DSCAML1: variants seen among roughly 807,000 people sequenced by gnomAD.
The protein encoded by DSCAML1 is cell adhesion molecule DSCAML1.
A neutral mutation model predicts 200.5 loss-of-function variants in DSCAML1; 38 were observed. That is an observed-to-expected ratio of 0.19 (90% CI 0.15 to 0.25). DSCAML1 has a LOEUF of 0.25. Among genes scored for constraint, DSCAML1 ranks in the 10% least tolerant of loss-of-function variants. The pLI, the probability that DSCAML1 is intolerant of heterozygous loss-of-function variation, is 1.00. For synonymous variants in DSCAML1, 1,215 were observed against 1,165.0 expected, an observed-to-expected ratio of 1.04 and a Z score of -0.87; for missense variants, 2,223 against 2,858.8, an observed-to-expected ratio of 0.78 and a Z score of 5.07.
At chr11:117,514,771 A>G (rs932899049) in intron 8 of DSCAML1, among the ~76,000 whole-genome samples, 13 of 152,004 alleles carry the variant, frequency 8.6e-5, no homozygotes, top group Non-Finnish European at 1.9e-4. Context: ...TACTAGAGAC[A>G]GGGTTTCTCC....
intron 3 of DSCAML1, among the ~76,000 whole-genome samples, chr11:117,665,739 T>C (rs911852766): frequency 6.6e-6 from 1 of 152,126 alleles, no homozygotes; most frequent in African/African-American, 2.4e-5. Flanking sequence ...CCTGAGCCCA[T>C]AATCCCAACG....
chr11:117,458,244 C>T lies in DSCAML1; in HGVS notation c.3568+510G>A, dbSNP rs528846643. Reference sequence around the variant, plus strand: ...TCTCTGGCTTTCCTCCAGTTCTGCCCCATGAGGAAGGGCTTTGAGATCACC... The same window carrying T: ...TCTCTGGCTTTCCTCCAGTTCTGCCTCATGAGGAAGGGCTTTGAGATCACC... On this transcript the variant is annotated intron_variant, in intron 19 of 32. Coordinates refer to ENST00000651296, the MANE Select transcript of DSCAML1 (RefSeq NM_020693.4). Among the ~76,000 whole-genome samples, 3 of 152,278 alleles carry T rather than the reference C, an allele frequency of 2.0e-5. No homozygotes were observed. In the South Asian group the frequency reaches 6.2e-4, roughly 32 times the overall value.
chr11:117,701,357 T>C (rs1250088753), intron 3 of DSCAML1, among the ~76,000 whole-genome samples: 1 of 152,144 alleles, frequency 6.6e-6, no homozygotes, highest in African/African-American at 2.4e-5. Context: ...TGAACGATGA[T>C]ACCACCCTGG....
chr11:117,770,080 A>G (rs1167019890), intron 3 of DSCAML1, among the ~76,000 whole-genome samples: 1 of 152,140 alleles, frequency 6.6e-6, no homozygotes, highest in Non-Finnish European at 1.5e-5. Flanking sequence ...CACAGACTCC[A>G]GGGCCTGACT....
intron 1 of DSCAML1, among the ~76,000 whole-genome samples, chr11:117,790,261 T>C (rs905744405): frequency 1.2e-4 from 19 of 152,104 alleles, no homozygotes; most frequent in African/African-American, 4.6e-4. Context: ...TTTGGGGGAG[T>C]TGGTCCAGAG....
At chr11:117,439,512 G>A in intron 22 of DSCAML1, 83 bp from the exon 23 acceptor site, 5 of 1,525,234 alleles carry the variant, frequency 3.3e-6, no homozygotes, top group Non-Finnish European at 4.4e-6. Context: ...GTGACAAAGA[G>A]AGCTGGGGGT....
intron 3 of DSCAML1, among the ~76,000 whole-genome samples, chr11:117,568,050 G>C (rs924834498): frequency 1.3e-5 from 2 of 152,086 alleles, no homozygotes; most frequent in African/African-American, 2.4e-5. Context: ...TCATCCCTGG[G>C]ATGCAAGGCT....
chr11:117,701,801 T>C (rs1183242276), intron 3 of DSCAML1, among the ~76,000 whole-genome samples: 1 of 152,206 alleles, frequency 6.6e-6, no homozygotes, highest in Non-Finnish European at 1.5e-5. Context: ...GTACTCATCC[T>C]ACTACCCTCA....
rs895341540 is a variant in DSCAML1, at chr11:117,694,308, C to G, written c.511+82483G>C. Among the ~76,000 whole-genome samples, 4 of 150,698 alleles carry G rather than the reference C, an allele frequency of 2.7e-5. No homozygotes were observed. In the South Asian group the frequency reaches 8.4e-4, roughly 32 times the overall value. On this transcript the variant is annotated intron_variant, in intron 3 of 32. Coordinates refer to ENST00000651296, the MANE Select transcript of DSCAML1 (RefSeq NM_020693.4). ...ATCCCAGCTACTTGGGAGGCTGAGG[C>G]AGTAGGAGAATTACCTGAACCTGGG... is the stretch of plus-strand genomic sequence containing the variant.
intron 19 of DSCAML1, among the ~76,000 whole-genome samples, chr11:117,455,717 A>C (rs1437229530): frequency 6.6e-6 from 1 of 152,002 alleles, no homozygotes; most frequent in Non-Finnish European, 1.5e-5. Context: ...TCTTCAGATG[A>C]GGATATTTGC....
intron 3 of DSCAML1, among the ~76,000 whole-genome samples, chr11:117,741,178 G>A (rs945931804): frequency 1.3e-5 from 2 of 152,216 alleles, no homozygotes; most frequent in Non-Finnish European, 1.5e-5. Flanking sequence ...TAAAGCAGCC[G>A]CCCAGCCAGG....
At chr11:117,569,414 T>C (rs1190416539) in intron 3 of DSCAML1, among the ~76,000 whole-genome samples, 4 of 152,186 alleles carry the variant, frequency 2.6e-5, no homozygotes, top group Non-Finnish European at 5.9e-5. Flanking sequence ...CTTGTTTTTG[T>C]AGAGATGGGA....
At chr11:117,479,143 C>A (rs1211455755) in intron 14 of DSCAML1, among the ~76,000 whole-genome samples, 2 of 152,224 alleles carry the variant, frequency 1.3e-5, no homozygotes, top group Non-Finnish European at 2.9e-5. Flanking sequence ...GCTGGAAATG[C>A]AAAGGGAACA....
intron 3 of DSCAML1, among the ~76,000 whole-genome samples, chr11:117,628,990 ACT>A (rs1490029666): frequency 6.6e-6 from 1 of 151,698 alleles, no homozygotes; most frequent in Non-Finnish European, 1.5e-5. Flanking sequence ...CCTGGCCCAG[ACT>A]CTCTGGTGGG....
chr11:117,458,613 G>C, intron 19 of DSCAML1, 141 bp downstream of exon 19: 1 of 1,117,300 alleles, frequency 9.0e-7, no homozygotes, highest in East Asian at 2.6e-5. Context: ...TTTCCCTCAA[G>C]AGTCCTCAAG....
rs1340382037 is a variant in DSCAML1 at position 117,432,343 on chromosome 11, A to G, written c.5179+9T>C. ...GGAAAAGGGCTGTCTCCCTGGGGAT[A>G]ATGCGTACTGGTTCCTGGCCGGATG... On this transcript the variant is annotated intron_variant, in intron 30 of 32. Coordinates refer to ENST00000651296, the MANE Select transcript of DSCAML1 (RefSeq NM_020693.4). The G allele has an allele frequency of 6.2e-7, 1 of 1,611,296 alleles. No homozygotes were observed. Among genetic ancestry groups the G allele is most frequent in the Non-Finnish European group, 8.5e-7 (1 of 1,178,872 alleles).
At position 117,435,784 on chromosome 11, in the gene DSCAML1, A is replaced by G; in HGVS notation, c.4736T>C (p.Ile1579Thr). The G allele has an allele frequency of 6.2e-7, 1 of 1,608,338 alleles. No individual in the cohort carries two copies. The highest frequency in any genetic ancestry group is 8.5e-7 in the Non-Finnish European group (1 of 1,175,292). ...ATCCCCTTCACCTTGAGCAGACTTG[A>G]TGGGTGGAATGGTGCCTGAATGAGG... ...LDYDGSTIPPIKSAQGEGDDV... is the reference protein window; with the variant it reads ...LDYDGSTIPPTKSAQGEGDDV... Residue 1579 changes from isoleucine to threonine, a missense_variant, in exon 27 of 33, where the codon ATC (isoleucine) becomes ACC (threonine). Around this residue, in one of 7 missense-constraint regions of DSCAML1, gnomAD observed 614 missense variants for 739.1 expected, o/e 0.83. Coordinates refer to ENST00000651296, the MANE Select transcript of DSCAML1 (RefSeq NM_020693.4).
Position 117,465,197 on chromosome 11 carries a change from T to TGACA in DSCAML1, c.3025-16_3025-15insTGTC. On this transcript the variant is annotated splice_polypyrimidine_tract_variant and intron_variant, in intron 16 of 32. Transcript: ENST00000651296. ...TTCTTGGGTGCCTGTGAGCATGGGGTGGGGGTGGGCACAAAGAAATGGCAA... is the reference window on the plus strand; with the variant it reads ...TTCTTGGGTGCCTGTGAGCATGGGGTGACAGGGGGTGGGCACAAAGAAATGGCAA... The TGACA allele has an allele frequency of 6.3e-7, 1 of 1,581,566 alleles. No individual in the cohort carries two copies. Among genetic ancestry groups the TGACA allele is most frequent in the Non-Finnish European group, 8.7e-7 (1 of 1,153,816 alleles).
At chr11:117,563,345 C>T (rs534946208) in intron 3 of DSCAML1, among the ~76,000 whole-genome samples, 1 of 152,302 alleles carries the variant, frequency 6.6e-6, no homozygotes, top group Non-Finnish European at 1.5e-5. Flanking sequence ...GCTGGGTCAG[C>T]TCAGCTTGGC....
Sources: gnomAD v4.1 joint callset for allele counts (sites outside exome capture counted in the v4.1 genomes callset) on GRCh38, gnomAD v4.1.1 for gene constraint, gnomAD v4.1.1 regional missense constraint, MANE v1.5 for transcripts, NCBI Gene and HGNC (gene_info 2026-07-23, HGNC 2026-07-21) for gene names.